Variants in AP1M1 observed in about 807,000 individuals in gnomAD.
AP1M1 encodes adaptor related protein complex 1 subunit mu 1, also known as AP-1 complex subunit mu-1.
AP1M1 carries 18 observed loss-of-function variants against 57.1 expected under a neutral mutation model. That is an observed-to-expected ratio of 0.32 (90% CI 0.22 to 0.47). The LOEUF is 0.47. Among genes scored for constraint, AP1M1 ranks in the 20% least tolerant of loss-of-function variants. The pLI is 1.00. For synonymous variants in AP1M1, 241 were observed against 237.9 expected (o/e 1.01, Z -0.12); for missense variants, 362 against 593.5 (o/e 0.61, Z 4.05).
rs777074038 is a variant in AP1M1, at chr19:16,227,709, G to C, written c.816+19G>C. The C allele has an allele frequency of 6.2e-7, 1 of 1,609,834 alleles. No individual in the cohort carries two copies. The highest frequency in any genetic ancestry group is 2.2e-5 in the East Asian group (1 of 44,734). On this transcript the variant is annotated intron_variant, in intron 7 of 11. Transcript: ENST00000291439. This position sits in a 1 kb window ranked among gnomAD's most constrained non-coding sequence, Gnocchi z 6.2. ...CACCCACGTGAGTGCGCCACCCTGG[G>C]GCTGGGCTGTCGGCAGACTCCTCCT...
At chr19:16,210,437 G>A in intron 5 of AP1M1, 1 of 716,244 alleles carries the variant, frequency 1.4e-6, no homozygotes, top group Admixed American at 2.0e-5. Flanking sequence ...CCAAACCATT[G>A]CTGTTTTGCA....
intron 5 of AP1M1, among the ~76,000 whole-genome samples, chr19:16,210,669 C>T (rs2091489687): frequency 6.6e-6 from 1 of 152,202 alleles, no homozygotes; most frequent in African/African-American, 2.4e-5. Context: ...AAGCGATTCT[C>T]CTGCCTCAGC....
rs1274499589 is a variant in AP1M1 at position 16,236,821 on chromosome 19, C to A, written c.*2386C>A. The stretch of plus-strand genomic sequence containing the variant: ...ACCTAAGATCCTCGCACACAATAGA[C>A]CCTCAACATGAGGGCACATCCTGAA... On this transcript the variant is annotated 3_prime_UTR_variant, in exon 12 of 12. Transcript: ENST00000291439. The A allele has an allele frequency of 6.6e-6, 1 of 152,228 alleles. No homozygotes were observed. The highest frequency in any genetic ancestry group is 1.5e-5 in the Non-Finnish European group (1 of 68,052). The allele number at this position is 152,228 out of a possible 1,614,324, so 9.4% of individuals were successfully genotyped here.
intron 5 of AP1M1, among the ~76,000 whole-genome samples, chr19:16,221,421 C>T (rs949705027): frequency 1.3e-5 from 2 of 152,262 alleles, no homozygotes; most frequent in African/African-American, 4.8e-5. Context: ...ATCCCTTATG[C>T]AGCTTGTCCC....
Position 16,238,167 on chromosome 19 carries a change from T to C in AP1M1, c.*3732T>C, listed in dbSNP as rs1025946981. On this transcript the variant is annotated 3_prime_UTR_variant, in exon 12 of 12. Transcript: ENST00000291439. ...CTGAACATCTAGAACGTGCTAGCTA[T>C]GTACTGACTGTGGGAAAGTTGAGAA... 2 of 152,274 alleles carry C rather than the reference T, an allele frequency of 1.3e-5. No homozygotes were observed. Among genetic ancestry groups the C allele is most frequent in the East Asian group, 1.9e-4 (1 of 5,180 alleles). The allele number at this position is 152,274 out of a possible 1,614,324, so 9.4% of individuals were successfully genotyped here. A position where few individuals can be genotyped will look rare whatever the true frequency, so the allele number is the denominator to read the frequency against.
Position 16,207,126 on chromosome 19 carries a change from C to T in AP1M1, c.267+718C>T, listed in dbSNP as rs916575180. ...AGTGAGGAGGCTGCTGCTGGCTTCC[C>T]GGAGAGGATGGGCCTGGCCGAGGTG... is the stretch of plus-strand genomic sequence containing the variant. On this transcript the variant is annotated intron_variant, in intron 3 of 11. Coordinates refer to ENST00000291439, the MANE Select transcript of AP1M1 (RefSeq NM_032493.4). The surrounding 1 kb of genome is among the most constrained non-coding windows in gnomAD (Gnocchi z 4.2). Among the ~76,000 whole-genome samples the T allele has an allele frequency of 5.9e-5, 9 of 152,144 alleles. No homozygotes were observed. The highest frequency in any genetic ancestry group is 1.2e-4 in the African/African-American group (5 of 41,414).
rs1308826403 is a variant in AP1M1, at chr19:16,207,469, C to T, written c.268-550C>T. On this transcript the variant is annotated intron_variant, in intron 3 of 11. Transcript: ENST00000291439. The surrounding 1 kb of genome is among the most constrained non-coding windows in gnomAD (Gnocchi z 4.2). Reference sequence around the variant, plus strand: ...TCAGCAGATCAGAGAATGGGGGATGCGGGAAGGGGAAGGTCCTCACCCAAG... The same window carrying T: ...TCAGCAGATCAGAGAATGGGGGATGTGGGAAGGGGAAGGTCCTCACCCAAG... Among the ~76,000 whole-genome samples the T allele has an allele frequency of 2.0e-5, 3 of 151,994 alleles. No homozygotes were observed. The highest frequency in any genetic ancestry group is 7.3e-5 in the African/African-American group (3 of 41,378).
Position 16,203,644 on chromosome 19 carries a change from G to T in AP1M1, c.199+29G>T. 2 of 1,578,708 alleles carry T rather than the reference G, an allele frequency of 1.3e-6. No individual in the cohort carries two copies. The highest frequency in any genetic ancestry group is 1.7e-6 in the Non-Finnish European group (2 of 1,160,688). ...TCCCTTTGCTGGGGGTGCTCCCAGG[G>T]GACTCCTGTGTGGGTGTTGGTGTGT... On this transcript the variant is annotated intron_variant, in intron 2 of 11. Coordinates refer to ENST00000291439, the MANE Select transcript of AP1M1 (RefSeq NM_032493.4). The surrounding 1 kb of genome is among the most constrained non-coding windows in gnomAD (Gnocchi z 4.6).
chr19:16,224,311 A>G (rs1341187236), intron 5 of AP1M1, among the ~76,000 whole-genome samples: 1 of 152,204 alleles, frequency 6.6e-6, no homozygotes, highest in Non-Finnish European at 1.5e-5. Context: ...AGAGTCGAGC[A>G]GGAAAGCGCT....
At chr19:16,210,448 T>C in intron 5 of AP1M1, 2 of 714,724 alleles carry the variant, frequency 2.8e-6, no homozygotes, top group Non-Finnish European at 5.2e-6. Context: ...CTGTTTTGCA[T>C]TCTCGCCAGC....
Position 16,234,683 on chromosome 19 carries a change from G to A in AP1M1, c.*248G>A. The A allele has an allele frequency of 1.7e-6, 1 of 590,220 alleles. No homozygotes were observed. The highest frequency in any genetic ancestry group is 3.0e-6 in the Non-Finnish European group (1 of 330,932). The allele number at this position is 590,220 out of a possible 1,614,324, so 36.6% of individuals were successfully genotyped here. A position where few individuals can be genotyped will look rare whatever the true frequency, so the allele number is the denominator to read the frequency against. ...TTTGCCCCTGAAGTCAGTTTCAGGG[G>A]AAGGATGTGAAATTTTTCCGTGTAG... On this transcript the variant is annotated 3_prime_UTR_variant, in exon 12 of 12. Transcript: ENST00000291439.
chr19:16,222,362 C>T (rs981242782), intron 5 of AP1M1, among the ~76,000 whole-genome samples: 3 of 151,736 alleles, frequency 2.0e-5, no homozygotes, highest in African/African-American at 7.3e-5. Flanking sequence ...TGTGCACCAC[C>T]AAGCCTGGCT....
chr19:16,231,937 G>A (rs1466815285), intron 9 of AP1M1, among the ~76,000 whole-genome samples: 3 of 152,232 alleles, frequency 2.0e-5, no homozygotes, highest in African/African-American at 7.2e-5. Flanking sequence ...TAGGGAATTT[G>A]ATATGTGCCC....
rs754809520 is a variant in AP1M1 at position 16,227,733 on chromosome 19, C to T, written c.816+43C>T. On this transcript the variant is annotated intron_variant, in intron 7 of 11. Transcript: ENST00000291439. The surrounding 1 kb of genome is among the most constrained non-coding windows in gnomAD (Gnocchi z 6.2). ...GGGCTGGGCTGTCGGCAGACTCCTCCTCCCCTTCACCTCCAGGAGGTGAAG... is the reference window on the plus strand; with the variant it reads ...GGGCTGGGCTGTCGGCAGACTCCTCTTCCCCTTCACCTCCAGGAGGTGAAG... 1.3e-6 allele frequency: 2 copies of T among 1,597,708 alleles called. No homozygotes were observed. The highest frequency in any genetic ancestry group is 2.2e-5 in the South Asian group (2 of 90,474).
At chr19:16,210,417 T>C in intron 5 of AP1M1, 1 of 717,998 alleles carries the variant, frequency 1.4e-6, no homozygotes, top group Non-Finnish European at 2.6e-6. Context: ...TTTACCTTTA[T>C]AAGAAACTGC....
In AP1M1 at chr19:16,206,553, G is replaced by T; in HGVS notation, c.267+145G>T. The stretch of plus-strand genomic sequence containing the variant: ...TGGAAGCCCAGGAAGTGGGAAAGGG[G>T]AGTCCCAACTCCCCACGCCTGTGGA... On this transcript the variant is annotated intron_variant, in intron 3 of 11. Coordinates refer to ENST00000291439, the MANE Select transcript of AP1M1 (RefSeq NM_032493.4). The surrounding 1 kb of genome is among the most constrained non-coding windows in gnomAD (Gnocchi z 4.3). 1 of 790,874 alleles carries T rather than the reference G, an allele frequency of 1.3e-6. No homozygotes were observed. Among genetic ancestry groups the T allele is most frequent in the Non-Finnish European group, 2.1e-6 (1 of 473,244 alleles). 49.0% of individuals were successfully genotyped at this position (790,874 alleles called of 1,614,324 possible).
chr19:16,211,701 G>C (rs1019457458), intron 5 of AP1M1, among the ~76,000 whole-genome samples: 4 of 151,868 alleles, frequency 2.6e-5, no homozygotes, highest in African/African-American at 9.7e-5. Context: ...AGTGAGTCCA[G>C]ATTGTGCCAC....
chr19:16,226,626 GC>G, intron 6 of AP1M1, 79 bp downstream of exon 6: 2 of 1,474,536 alleles, frequency 1.4e-6, no homozygotes, highest in Non-Finnish European at 1.8e-6. Context: ...GCAGGGTTGG[GC>G]CAGGCGGAGG....
intron 6 of AP1M1, 189 bp downstream of exon 6, chr19:16,226,736 G>T (rs2091572879): frequency 2.7e-6 from 2 of 749,164 alleles, no homozygotes; most frequent in Admixed American, 3.2e-5. Flanking sequence ...AGGTGCAGGG[G>T]AGTGAAGATC....
Sources: allele counts gnomAD v4.1 joint callset (sites outside exome capture counted in the v4.1 genomes callset), GRCh38; gene constraint gnomAD v4.1.1; non-coding constraint Gnocchi (gnomAD v3.1); transcripts MANE v1.5; gene names NCBI Gene and HGNC (gene_info 2026-07-23, HGNC 2026-07-21).